SYMPK: variants seen among roughly 807,000 people sequenced by gnomAD.
SYMPK encodes symplekin.
Under a neutral mutation model 136.4 loss-of-function variants are expected in SYMPK, and 49 were observed. The ratio of observed to expected loss-of-function variants is 0.36; its 90% CI spans 0.29 to 0.46. The LOEUF is 0.46. Ranked by LOEUF, SYMPK falls within the 20% of genes least tolerant of loss-of-function variation. The pLI is 1.00. For synonymous variants in SYMPK, 766 were observed against 713.0 expected, an observed-to-expected ratio of 1.07 and a Z score of -1.19; for missense variants, 1,365 against 1,690.0, an observed-to-expected ratio of 0.81 and a Z score of 3.37.
intron 1 of SYMPK, among the ~76,000 whole-genome samples, chr19:45,857,816 T>A (rs1436091356): frequency 5.1e-5 from 7 of 137,178 alleles, no homozygotes; most frequent in Non-Finnish European, 9.4e-5. Flanking sequence ...TTTTTTTTTT[T>A]AGATGGAATT....
intron 22 of SYMPK, chr19:45,820,722 C>T (rs1386772265): frequency 6.2e-6 from 1 of 162,010 alleles, no homozygotes; most frequent in Non-Finnish European, 1.3e-5. Context: ...AGGTCCGTTT[C>T]ACTTCAGATT....
chr19:45,822,417 G>A (rs1970931341), intron 21 of SYMPK, among the ~76,000 whole-genome samples: 1 of 152,076 alleles, frequency 6.6e-6, no homozygotes, highest in Non-Finnish European at 1.5e-5. Context: ...AAATGCCCCT[G>A]GCCCACAGCT....
At position 45,821,292 on chromosome 19, in the gene SYMPK, T is replaced by G; in HGVS notation, c.2893+92A>C. 1 of 960,100 alleles carries G rather than the reference T, an allele frequency of 1.0e-6. No individual in the cohort carries two copies. The highest frequency in any genetic ancestry group is 2.1e-4 in the Middle Eastern group (1 of 4,794). 59.5% of individuals were successfully genotyped at this position (960,100 alleles called of 1,614,324 possible). ...GGGGCTGTGAGTGACAGTCTTTGAC[T>G]TGGCAGATTCCAGTGGGGGCATGTG... On this transcript the variant is annotated intron_variant, in intron 22 of 26. Transcript: ENST00000245934. This position sits in a 1 kb window ranked among gnomAD's most constrained non-coding sequence, Gnocchi z 4.4.
At chr19:45,834,943 G>C (rs559666130) in intron 11 of SYMPK, 135 bp downstream of exon 11, 2 of 768,840 alleles carry the variant, frequency 2.6e-6, no homozygotes, top group Admixed American at 3.1e-5. Context: ...ATCTATCTGT[G>C]GTACCTGTCA....
intron 6 of SYMPK, among the ~76,000 whole-genome samples, chr19:45,848,333 T>A (rs1971616095): frequency 6.6e-6 from 1 of 152,254 alleles, no homozygotes; most frequent in South Asian, 2.1e-4. Context: ...TTATTAATGC[T>A]AATGTACATC....
At chr19:45,843,503 T>C (rs781264645) in intron 8 of SYMPK, among the ~76,000 whole-genome samples, 34 of 152,120 alleles carry the variant, frequency 2.2e-4, no homozygotes, top group Non-Finnish European at 3.5e-4. Context: ...ATCATGTCAT[T>C]TCACCCCCAC....
chr19:45,854,439 G>GA lies in SYMPK; in HGVS notation c.56dup (p.Thr20HisfsTer30). 6.2e-7 allele frequency: 1 copy of GA among 1,614,146 alleles called. No individual in the cohort carries two copies. Among genetic ancestry groups the GA allele is most frequent in the Non-Finnish European group, 8.5e-7 (1 of 1,180,036 alleles). On this transcript the variant is annotated frameshift_variant, in exon 2 of 27. Transcript: ENST00000245934. LOFTEE classifies it high-confidence loss of function. ...CGATGCCCGGCCCCTCCTCTTGAGT[G>GA]AAAAACTGTGATGCCACGCTCCGAC...
At chr19:45,843,717 C>G (rs1389971230) in intron 8 of SYMPK, among the ~76,000 whole-genome samples, 2 of 151,990 alleles carry the variant, frequency 1.3e-5, no homozygotes, top group African/African-American at 4.8e-5. Flanking sequence ...GAGGCCGAGG[C>G]AGGCGAATCA....
intron 5 of SYMPK, among the ~76,000 whole-genome samples, chr19:45,849,153 C>T (rs756741652): frequency 6.6e-6 from 1 of 152,144 alleles, no homozygotes; most frequent in Non-Finnish European, 1.5e-5. Context: ...TTTGGACAAG[C>T]GACTTCACCT....
chr19:45,831,329 C>T (rs1971168870), intron 12 of SYMPK, 55 bp downstream of exon 12: 2 of 1,418,710 alleles, frequency 1.4e-6, no homozygotes. Context: ...GAGCTGAGAA[C>T]CAGACCTTCA....
chr19:45,837,604 G>A (rs115754530), intron 10 of SYMPK, among the ~76,000 whole-genome samples: 2,230 of 124,182 alleles, frequency 0.018, 59 homozygotes, highest in African/African-American at 0.066. Context: ...GTAACAAAGC[G>A]AGACTCTGCC....
At chr19:45,857,698 A>G (rs572327026) in intron 1 of SYMPK, among the ~76,000 whole-genome samples, 23 of 151,452 alleles carry the variant, frequency 1.5e-4, no homozygotes, top group South Asian at 1.3e-3. Context: ...TCACCATGTT[A>G]GCCAGGATGG....
Position 45,838,554 on chromosome 19 carries a change from C to T in SYMPK, c.1149G>A (p.Ser383=), listed in dbSNP as rs370869503. 9.9e-6 allele frequency: 16 copies of T among 1,614,044 alleles called. No homozygotes were observed. Among genetic ancestry groups the T allele is most frequent in the African/African-American group, 4.0e-5 (3 of 74,934 alleles). The change falls in exon 10 of 27, where the codon TCG becomes TCA. Residue 383 remains serine, a synonymous_variant. Coordinates refer to ENST00000245934, the MANE Select transcript of SYMPK (RefSeq NM_004819.3). ...KDLEPGPSGT[S]KASAQISGQS... is the part of the protein sequence containing the mutation. Reference sequence around the variant, plus strand: ...GGCCGGAGATCTGCGCTGAGGCCTTCGAGGTCCCCGACGGGCCTGGCTCCA... The same window carrying T: ...GGCCGGAGATCTGCGCTGAGGCCTTTGAGGTCCCCGACGGGCCTGGCTCCA...
At chr19:45,824,420 T>C (rs1026913272) in intron 18 of SYMPK, among the ~76,000 whole-genome samples, 2 of 152,160 alleles carry the variant, frequency 1.3e-5, no homozygotes, top group Non-Finnish European at 2.9e-5. Flanking sequence ...ATAACTTTTC[T>C]GCAAAGTGAG....
intron 23 of SYMPK, among the ~76,000 whole-genome samples, chr19:45,817,751 G>A (rs1000236347): frequency 2.0e-5 from 3 of 152,236 alleles, no homozygotes; most frequent in African/African-American, 7.2e-5. Flanking sequence ...GGTTACCACA[G>A]CTCCTACCAC....
rs142657427 is a variant in SYMPK at position 45,830,230 on chromosome 19, T to C, written c.1599-26A>G. 1,063 of 1,602,660 alleles carry C rather than the reference T, an allele frequency of 6.6e-4. 16 individuals carry two copies. The East Asian group carries it at 0.022, about 34-fold the overall frequency. ...CTGTGTGGAAGAGCAGTGACAGAGA[T>C]GCAGTGACCCAGACTGCAGCAAAGG... On this transcript the variant is annotated intron_variant, in intron 12 of 26. Transcript: ENST00000245934.
rs767812215 is a variant in SYMPK at position 45,825,196 on chromosome 19, G to A, written c.2465C>T (p.Thr822Met). ...CGGCTGCTCAATGACCCTCAGCACC[G>A]TCCGCTTGATGTCGGCGATGGCTTC... ...YTEAIADIKR[T>M]VLRVIEQPIR... The change falls in exon 18 of 27, where the codon ACG (threonine) becomes ATG (methionine). Residue 822 changes from threonine (T) to methionine (M), a missense_variant. By Grantham distance (81) the Thr-to-Met change is moderately conservative. This residue lies in a region of SYMPK where 92 missense variants were observed against 198.6 expected (regional missense o/e 0.46). Coordinates refer to ENST00000245934, the MANE Select transcript of SYMPK (RefSeq NM_004819.3). The A allele has an allele frequency of 1.2e-6, 2 of 1,613,958 alleles. No individual in the cohort carries two copies. The highest frequency in any genetic ancestry group is 1.7e-6 in the Non-Finnish European group (2 of 1,179,982).
chr19:45,836,050 G>A (rs1971293933), intron 10 of SYMPK, among the ~76,000 whole-genome samples: 1 of 152,074 alleles, frequency 6.6e-6, no homozygotes, highest in Non-Finnish European at 1.5e-5. Context: ...ATGGATGTCA[G>A]GAATTAGTAA....
chr19:45,863,121 C>A lies in SYMPK; in HGVS notation c.-76G>T. 1 of 405,784 alleles carries A rather than the reference C, an allele frequency of 2.5e-6. No homozygotes were observed. The highest frequency in any genetic ancestry group is 4.3e-6 in the Non-Finnish European group (1 of 230,320). The allele number at this position is 405,784 out of a possible 1,614,324, so 25.1% of individuals were successfully genotyped here. On this transcript the variant is annotated 5_prime_UTR_variant, in exon 1 of 27. Coordinates refer to ENST00000245934, the MANE Select transcript of SYMPK (RefSeq NM_004819.3). ...AGTGCCTCTTCCTACACTCCGCCGC[C>A]GCCGCCGCCGCCATCTTCCGTTCGT... is the stretch of plus-strand genomic sequence containing the variant.
Sources: allele counts gnomAD v4.1 joint callset (sites outside exome capture counted in the v4.1 genomes callset), GRCh38; gene constraint gnomAD v4.1.1; regional missense constraint gnomAD v4.1.1; non-coding constraint Gnocchi (gnomAD v3.1); transcripts MANE v1.5; gene names NCBI Gene and HGNC (gene_info 2026-07-23, HGNC 2026-07-21).